AZIN2: variants seen among roughly 807,000 people sequenced by gnomAD.
AZIN2 encodes the protein ODC antizyme inhibitor-2.
A neutral mutation model predicts 47.8 loss-of-function variants in AZIN2; 28 were observed. That is an observed-to-expected ratio of 0.59 (90% CI 0.43 to 0.80). The LOEUF (loss-of-function observed/expected upper bound fraction) is 0.80, where lower values mean the gene tolerates loss of function less well. AZIN2 is among the 30% of genes least tolerant of loss of function. AZIN2 has a pLI of 0.00. For synonymous variants in AZIN2, 221 were observed against 239.4 expected, an observed-to-expected ratio of 0.92 and a Z score of 0.71; for missense variants, 535 against 582.5, an observed-to-expected ratio of 0.92 and a Z score of 0.84.
chr1:33,086,245 G>A (rs368548001), intron 5 of AZIN2, among the ~76,000 whole-genome samples: 25 of 152,106 alleles, frequency 1.6e-4, no homozygotes, highest in Non-Finnish European at 3.2e-4. Context: ...GATTCTGACC[G>A]TAGCCTGGTG....
At chr1:33,101,696 C>G (rs1557699609) in intron 10 of AZIN2, 1 of 547,366 alleles carries the variant, frequency 1.8e-6, no homozygotes. Flanking sequence ...CTCTGGCTTT[C>G]TTTTTCAGTA....
rs571912295 is a variant in AZIN2 at position 33,093,697 on chromosome 1, C to T, written c.587+281C>T. Among the ~76,000 whole-genome samples the T allele has an allele frequency of 2.6e-5, 4 of 151,744 alleles. No individual in the cohort carries two copies. The East Asian group carries it at 7.7e-4, about 29-fold the overall frequency. On this transcript the variant is annotated intron_variant, in intron 7 of 11. Coordinates refer to ENST00000294517, the MANE Select transcript of AZIN2 (RefSeq NM_052998.4). Reference sequence around the variant, plus strand: ...CTGTAGGACAAAGGTTTTGCAGCTACACTCTTGAGGGGCCTCTTTTCTTTT... The same window carrying T: ...CTGTAGGACAAAGGTTTTGCAGCTATACTCTTGAGGGGCCTCTTTTCTTTT...
At chr1:33,147,138 G>C in the AZIN2 span, 40 of 1,593,394 alleles carry the variant, frequency 2.5e-5, no homozygotes, top group Non-Finnish European at 3.3e-5. The surrounding 1 kb of genome is among the most constrained non-coding windows in gnomAD (Gnocchi z 8.1). Flanking sequence ...CTTGCAGGTG[G>C]CAGTGGTCCC....
chr1:33,103,250 T>C (rs1325124023), intron 10 of AZIN2, among the ~76,000 whole-genome samples: 1 of 152,098 alleles, frequency 6.6e-6, no homozygotes, highest in Non-Finnish European at 1.5e-5. Context: ...AAACCTAGAC[T>C]CCTTACCACA....
At chr1:33,144,134 TC>T in the AZIN2 span, among the ~76,000 whole-genome samples, 7 of 27,654 alleles carry the variant, frequency 2.5e-4, no homozygotes, top group South Asian at 1.3e-3. Flanking sequence ...TAATGTTACT[TC>T]TTTTTTTTTT....
At chr1:33,140,191 C>A in the AZIN2 span, among the ~76,000 whole-genome samples, 2 of 152,056 alleles carry the variant, frequency 1.3e-5, no homozygotes, top group African/African-American at 4.8e-5. The surrounding 1 kb of genome is among the most constrained non-coding windows in gnomAD (Gnocchi z 4.0). Context: ...CTTGTTCAGC[C>A]GATGAGGAAC....
chr1:33,161,703 T>TG, the AZIN2 span, among the ~76,000 whole-genome samples: 1 of 152,102 alleles, frequency 6.6e-6, no homozygotes, highest in South Asian at 2.1e-4. This position sits in a 1 kb window ranked among gnomAD's most constrained non-coding sequence, Gnocchi z 4.3. Flanking sequence ...ATGGGGAAGA[T>TG]GGGGTCCGTC....
At chr1:33,088,198 AG>A (rs1162701858) in intron 5 of AZIN2, among the ~76,000 whole-genome samples, 3 of 152,166 alleles carry the variant, frequency 2.0e-5, no homozygotes, top group African/African-American at 7.2e-5. Flanking sequence ...ACTTGATACG[AG>A]GAGATGCCTG....
Position 33,120,863 on chromosome 1 carries a change from A to G in AZIN2, c.*681A>G, listed in dbSNP as rs1644779444. Among the ~76,000 whole-genome samples the G allele has an allele frequency of 6.6e-6, 1 of 152,224 alleles. No individual in the cohort carries two copies. Among genetic ancestry groups the G allele is most frequent in the South Asian group, 2.1e-4 (1 of 4,822 alleles). ...TGGAGTATTTAACACAGCTGTGGAAATTCATACTGAAGATACAGAGCCAAG... is the reference window on the plus strand; with the variant it reads ...TGGAGTATTTAACACAGCTGTGGAAGTTCATACTGAAGATACAGAGCCAAG... On this transcript the variant is annotated 3_prime_UTR_variant, in exon 12 of 12. Transcript: ENST00000294517.
intron 10 of AZIN2, among the ~76,000 whole-genome samples, chr1:33,109,670 A>G (rs1285823353): frequency 6.6e-6 from 1 of 151,754 alleles, no homozygotes; most frequent in African/African-American, 2.4e-5. Flanking sequence ...ATTTTAATAA[A>G]GTCCAGTTTA....
chr1:33,142,983 TGG>T, the AZIN2 span: 1 of 152,160 alleles, frequency 6.6e-6, no homozygotes, highest in Non-Finnish European at 1.5e-5. Flanking sequence ...TGACTACAAA[TGG>T]GGGCTCCAAA....
intron 5 of AZIN2, among the ~76,000 whole-genome samples, chr1:33,085,990 A>G (rs1287592591): frequency 6.6e-6 from 1 of 152,186 alleles, no homozygotes; most frequent in Non-Finnish European, 1.5e-5. Context: ...GAACAGGACC[A>G]AACCCCACTG....
the AZIN2 span, among the ~76,000 whole-genome samples, chr1:33,157,988 C>T: frequency 1.3e-5 from 2 of 152,148 alleles, no homozygotes; most frequent in East Asian, 1.9e-4. Context: ...AACTCCTGAC[C>T]TCATGATCCA....
chr1:33,165,523 C>T, the AZIN2 span: 38 of 1,610,970 alleles, frequency 2.4e-5, no homozygotes, highest in African/African-American at 3.3e-4. This position sits in a 1 kb window ranked among gnomAD's most constrained non-coding sequence, Gnocchi z 4.0. Context: ...GGTGTGTTCC[C>T]GCTCGCTGTC....
chr1:33,140,831 C>T, the AZIN2 span, among the ~76,000 whole-genome samples: 1 of 152,306 alleles, frequency 6.6e-6, no homozygotes, highest in South Asian at 2.1e-4. This position sits in a 1 kb window ranked among gnomAD's most constrained non-coding sequence, Gnocchi z 4.0. Context: ...GAGGAAGGCA[C>T]CCAGCTCCTG....
chr1:33,130,772 A>G, the AZIN2 span, among the ~76,000 whole-genome samples: 1 of 152,244 alleles, frequency 6.6e-6, no homozygotes, highest in Non-Finnish European at 1.5e-5. Flanking sequence ...AGAAGCAAAG[A>G]CAGAAGTAGA....
intron 6 of AZIN2, 65 bp downstream of exon 6, chr1:33,092,287 C>T: frequency 1.6e-6 from 2 of 1,231,896 alleles, no homozygotes; most frequent in Non-Finnish European, 2.1e-6. Flanking sequence ...GGAGCCTGGG[C>T]TGTGGGGAGG....
the AZIN2 span, among the ~76,000 whole-genome samples, chr1:33,154,183 G>A: frequency 3.3e-5 from 5 of 152,230 alleles, no homozygotes; most frequent in Non-Finnish European, 5.9e-5. Flanking sequence ...AAGATGGGCC[G>A]GGTGTGGTGG....
chr1:33,132,301 C>G, the AZIN2 span, among the ~76,000 whole-genome samples: 2 of 152,348 alleles, frequency 1.3e-5, no homozygotes, highest in Middle Eastern at 3.4e-3. Context: ...ATAGTCAATA[C>G]TTCTTTTGCT....
Sources: allele counts gnomAD v4.1 joint callset (sites outside exome capture counted in the v4.1 genomes callset), GRCh38; gene constraint gnomAD v4.1.1; non-coding constraint Gnocchi (gnomAD v3.1); transcripts MANE v1.5; gene names NCBI Gene and HGNC (gene_info 2026-07-23, HGNC 2026-07-21).